The following FASTKD1 variants were observed in gnomAD, a reference collection of about 807,000 sequenced individuals.
FASTKD1 encodes the protein FAST kinase domain-containing protein 1, mitochondrial.
In FASTKD1, 94 loss-of-function variants were observed where a neutral mutation model predicts 90.9. That is an observed-to-expected ratio of 1.03 (90% CI 0.88 to 1.23). The LOEUF is 1.23. Ranked by LOEUF, FASTKD1 falls within the 50% of genes most tolerant of loss-of-function variation. FASTKD1 has a pLI of 0.00. For synonymous variants in FASTKD1, 319 were observed against 345.8 expected, an observed-to-expected ratio of 0.92 and a Z score of 0.86; for missense variants, 945 against 993.5, an observed-to-expected ratio of 0.95 and a Z score of 0.66.
At chr2:169,561,758 T>TATTAATTTATTATAA (rs1559156466) in intron 4 of FASTKD1, among the ~76,000 whole-genome samples, 2 of 138,396 alleles carry the variant, frequency 1.4e-5, no homozygotes, top group Non-Finnish European at 3.1e-5. Context: ...ATAAATTATT[T>TATTAATTTATTATAA]ATTAATTTAT....
At chr2:169,563,143 T>C in intron 4 of FASTKD1, 82 bp downstream of exon 4, 13 of 1,372,830 alleles carry the variant, frequency 9.5e-6, no homozygotes, top group South Asian at 6.2e-5. Context: ...TCACATAAAC[T>C]AAGAGTAGCA....
intron 2 of FASTKD1, among the ~76,000 whole-genome samples, chr2:169,570,527 T>G (rs1460599756): frequency 6.6e-6 from 1 of 152,166 alleles, no homozygotes; most frequent in Non-Finnish European, 1.5e-5. Flanking sequence ...TTATTTCTTT[T>G]TCCTTTTAAG....
chr2:169,571,896 T>G lies in FASTKD1; in HGVS notation c.134A>C (p.Lys45Thr), dbSNP rs145051116. The change falls in exon 2 of 15, where the codon AAG (lysine) becomes ACG (threonine). Residue 45 changes from lysine (K) to threonine (T), a missense_variant. Lys to Thr is a moderately conservative substitution (Grantham distance 78, BLOSUM62 -1). Transcript: ENST00000453153. ...SCEPLIIQMN[K>T]CTDEEQMFGF... ...AAACATTTGCTCCTCATCTGTACACTTATTCATCTGAATAATTAGTGGTTC... is the reference window on the plus strand; with the variant it reads ...AAACATTTGCTCCTCATCTGTACACGTATTCATCTGAATAATTAGTGGTTC... 1.0e-3 allele frequency: 1,674 copies of G among 1,614,120 alleles called. 18 individuals carry two copies. The African/African-American group carries it at 0.018, about 18-fold the overall frequency.
intron 2 of FASTKD1, among the ~76,000 whole-genome samples, chr2:169,569,623 G>A (rs1191852474): frequency 6.6e-6 from 1 of 152,192 alleles, no homozygotes; most frequent in Non-Finnish European, 1.5e-5. Flanking sequence ...GGCTGAGGCG[G>A]GCGGATCACT....
At chr2:169,564,000 G>T (rs1302338243) in intron 3 of FASTKD1, among the ~76,000 whole-genome samples, 1 of 152,156 alleles carries the variant, frequency 6.6e-6, no homozygotes, top group African/African-American at 2.4e-5. Context: ...TAGAGGTCAA[G>T]ATCCTTTTTG....
intron 7 of FASTKD1, among the ~76,000 whole-genome samples, chr2:169,550,677 C>G (rs1212417187): frequency 6.6e-6 from 1 of 152,088 alleles, no homozygotes; most frequent in Non-Finnish European, 1.5e-5. Flanking sequence ...CAGAGGCTTG[C>G]TATGTTGAAC....
In FASTKD1 at chr2:169,573,757, A is replaced by G. The variant is rs1684335547; in HGVS notation, c.-231T>C. On this transcript the variant is annotated 5_prime_UTR_variant, in exon 1 of 15. Coordinates refer to ENST00000453153, the MANE Select transcript of FASTKD1 (RefSeq NM_024622.6). ...GAAGTCAGGGTTATTCCTGGTCCCAACACGGAACGAAACAGGCTCGGATGT... is the reference window on the plus strand; with the variant it reads ...GAAGTCAGGGTTATTCCTGGTCCCAGCACGGAACGAAACAGGCTCGGATGT... 1 of 152,210 alleles carries G rather than the reference A, an allele frequency of 6.6e-6. No homozygotes were observed. The highest frequency in any genetic ancestry group is 1.5e-5 in the Non-Finnish European group (1 of 68,040). 9.4% of individuals were successfully genotyped at this position (152,210 alleles called of 1,614,324 possible). A position where few individuals can be genotyped will look rare whatever the true frequency, so the allele number is the denominator to read the frequency against.
intron 9 of FASTKD1, among the ~76,000 whole-genome samples, chr2:169,543,012 C>T (rs1685025028): frequency 6.6e-6 from 1 of 152,116 alleles, no homozygotes; most frequent in African/African-American, 2.4e-5. Flanking sequence ...TTCTAGTTTA[C>T]TACAAATGCA....
chr2:169,539,682 T>C (rs1303149245), intron 10 of FASTKD1, among the ~76,000 whole-genome samples: 1 of 151,754 alleles, frequency 6.6e-6, no homozygotes, highest in Non-Finnish European at 1.5e-5. Flanking sequence ...GGAGGATCAC[T>C]TGATCCTGGA....
chr2:169,531,571 T>C, intron 12 of FASTKD1, 81 bp from the exon 13 acceptor site: 1 of 1,091,656 alleles, frequency 9.2e-7, no homozygotes, highest in East Asian at 2.6e-5. Context: ...GAAATATATA[T>C]GCATATAATA....
chr2:169,546,747 A>G (rs1333364150), intron 7 of FASTKD1, 43 bp from the exon 8 acceptor site: 6 of 1,536,610 alleles, frequency 3.9e-6, no homozygotes, highest in South Asian at 1.2e-5. Context: ...CAACAAACCC[A>G]AAATATATAT....
chr2:169,543,644 G>A (rs972910132), intron 9 of FASTKD1, among the ~76,000 whole-genome samples: 6 of 152,140 alleles, frequency 3.9e-5, no homozygotes, highest in Admixed American at 3.9e-4. Flanking sequence ...TTCATCATAC[G>A]CATACGCGCT....
chr2:169,545,704 T>C (rs2683424), intron 8 of FASTKD1, among the ~76,000 whole-genome samples: 98,444 of 152,100 alleles, frequency 0.65, 32,095 homozygotes, highest in Admixed American at 0.74. Flanking sequence ...AATATAATTG[T>C]TTTTAAATGG....
intron 5 of FASTKD1, among the ~76,000 whole-genome samples, chr2:169,558,340 C>T (rs1334445921): frequency 2.0e-5 from 3 of 152,078 alleles, no homozygotes; most frequent in African/African-American, 7.2e-5. Context: ...TCACTGCAAC[C>T]TCCGCCTCCC....
At chr2:169,544,904 AT>A (rs1685120198) in intron 8 of FASTKD1, 69 bp from the exon 9 acceptor site, 2 of 800,718 alleles carry the variant, frequency 2.5e-6, no homozygotes, top group East Asian at 2.7e-5. Context: ...TAACCTAATT[AT>A]TTTTTAGGAG....
At chr2:169,561,792 G>GTGAATTATTTATTAATTTATTA (rs1553538864) in intron 4 of FASTKD1, among the ~76,000 whole-genome samples, 1 of 96,188 alleles carries the variant, frequency 1.0e-5, no homozygotes, top group Admixed American at 1.1e-4. Context: ...TTAATTTATT[G>GTGAATTATTTATTAATTTATTA]TAAATTATTT....
chr2:169,556,530 A>T (rs1683323570), intron 6 of FASTKD1, among the ~76,000 whole-genome samples: 1 of 151,450 alleles, frequency 6.6e-6, no homozygotes, highest in South Asian at 2.1e-4. Context: ...GGAGTTCAAG[A>T]CCAGCCTGGA....
intron 3 of FASTKD1, among the ~76,000 whole-genome samples, chr2:169,565,081 A>C (rs1487003124): frequency 1.3e-5 from 2 of 148,186 alleles, no homozygotes; most frequent in East Asian, 4.0e-4. Flanking sequence ...CAGCCTCCCG[A>C]GTAGCTGGGA....
chr2:169,545,026 A>C (rs916237750), intron 8 of FASTKD1, among the ~76,000 whole-genome samples, 191 bp from the exon 9 acceptor site: 28 of 152,196 alleles, frequency 1.8e-4, no homozygotes, highest in Non-Finnish European at 2.8e-4. Flanking sequence ...TAATAACCCC[A>C]AAAGTGTTAA....
Sources: allele counts gnomAD v4.1 joint callset (sites outside exome capture counted in the v4.1 genomes callset), GRCh38; gene constraint gnomAD v4.1.1; transcripts MANE v1.5; gene names NCBI Gene and HGNC (gene_info 2026-07-23, HGNC 2026-07-21).